Variants in PBX1 observed in about 807,000 individuals in gnomAD.
PBX1 encodes pre-B-cell leukemia transcription factor 1.
In PBX1, 6 loss-of-function variants were observed where a neutral mutation model predicts 53.4. The ratio of observed to expected loss-of-function variants is 0.11; its 90% confidence interval spans 0.06 to 0.22. The LOEUF (loss-of-function observed/expected upper bound fraction) is 0.22, where lower values mean the gene tolerates loss of function less well. Ranked by LOEUF, PBX1 falls within the 10% of genes least tolerant of loss-of-function variation. PBX1 has a pLI of 1.00. For missense variants in PBX1, 251 were observed against 551.4 expected (o/e 0.46, Z 5.46); for synonymous variants, 204 against 212.3 (o/e 0.96, Z 0.34).
At chr1:164,870,975 A>C (rs1672369687) in intron 2 of PBX1, among the ~76,000 whole-genome samples, 1 of 152,018 alleles carries the variant, frequency 6.6e-6, no homozygotes, top group South Asian at 2.1e-4. Context: ...TGTCAACGAG[A>C]TCAAGCTGAT....
intron 2 of PBX1, among the ~76,000 whole-genome samples, chr1:164,783,020 C>A (rs1427049948): frequency 4.6e-5 from 7 of 152,192 alleles, no homozygotes; most frequent in Non-Finnish European, 8.8e-5. Flanking sequence ...GACTTCCAGG[C>A]CAGCTCGTCT....
At chr1:164,590,661 G>A (rs1655311805) in intron 2 of PBX1, among the ~76,000 whole-genome samples, 1 of 152,112 alleles carries the variant, frequency 6.6e-6, no homozygotes, top group Non-Finnish European at 1.5e-5. Context: ...CTAGCCCTTG[G>A]AAGCTTGGAT....
intron 2 of PBX1, among the ~76,000 whole-genome samples, chr1:164,689,444 C>G (rs545485948): frequency 2.6e-4 from 40 of 152,050 alleles, no homozygotes; most frequent in African/African-American, 8.9e-4. Flanking sequence ...GAGCATTGCC[C>G]AGGCGTATTA....
intron 2 of PBX1, among the ~76,000 whole-genome samples, chr1:164,744,678 C>G (rs1475218141): frequency 1.3e-5 from 2 of 152,180 alleles, no homozygotes; most frequent in Non-Finnish European, 2.9e-5. Context: ...TTCCCATAGG[C>G]ACTGTCTACT....
chr1:164,631,819 T>A (rs945326260), intron 2 of PBX1, among the ~76,000 whole-genome samples: 2 of 152,228 alleles, frequency 1.3e-5, no homozygotes, highest in Non-Finnish European at 2.9e-5. Flanking sequence ...GGAACTGATT[T>A]GGGCCATATT....
chr1:164,632,603 G>A (rs1159394931), intron 2 of PBX1, among the ~76,000 whole-genome samples: 1 of 152,004 alleles, frequency 6.6e-6, no homozygotes, highest in Non-Finnish European at 1.5e-5. Context: ...AATGCCCACC[G>A]TGGATTCAAC....
intron 2 of PBX1, among the ~76,000 whole-genome samples, chr1:164,588,473 CTTTTTTTTTTTT>C (rs371768861): frequency 0.24 from 17,926 of 73,472 alleles, 2,312 homozygotes; most frequent in African/African-American, 0.43. Flanking sequence ...CCGGACTAAG[CTTTTTTTTTTTT>C]TTTTTTTTTT....
At position 164,692,011 on chromosome 1, in the gene PBX1, G is replaced by A. The variant is rs76361916; in HGVS notation, c.266-100483G>A. ...AAATGAATCTTGTGTATAGACATGG[G>A]TCTCATCCCCAAGACACTATTACGT... On this transcript the variant is annotated intron_variant, in intron 2 of 8. Transcript: ENST00000420696. Among the ~76,000 whole-genome samples the A allele has an allele frequency of 7.3e-3, 1,105 of 152,274 alleles. 40 individuals carry two copies. The South Asian group carries it at 0.09, about 12-fold the overall frequency.
chr1:164,640,130 G>A (rs1659029749), intron 2 of PBX1, among the ~76,000 whole-genome samples: 1 of 152,186 alleles, frequency 6.6e-6, no homozygotes, highest in Non-Finnish European at 1.5e-5. Flanking sequence ...ATCAGTGAAT[G>A]TTCCCCAAAC....
rs1214613887 is a variant in PBX1 at position 164,748,082 on chromosome 1, G to C, written c.266-44412G>C. Among the ~76,000 whole-genome samples the C allele has an allele frequency of 2.0e-5, 3 of 152,108 alleles. No homozygotes were observed. The East Asian group carries it at 5.8e-4, about 29-fold the overall frequency. Reference sequence around the variant, plus strand: ...GGGCACCATTCGTGTTTTTGCTTTTGAGTTTTTGTTTGTCAAGCCACAGCT... The same window carrying C: ...GGGCACCATTCGTGTTTTTGCTTTTCAGTTTTTGTTTGTCAAGCCACAGCT... On this transcript the variant is annotated intron_variant, in intron 2 of 8. Transcript: ENST00000420696.
intron 2 of PBX1, among the ~76,000 whole-genome samples, chr1:164,772,576 T>C (rs1667431816): frequency 6.6e-6 from 1 of 152,186 alleles, no homozygotes; most frequent in Non-Finnish European, 1.5e-5. Context: ...AAAATTGTAA[T>C]AGAAACCAGA....
intron 5 of PBX1, among the ~76,000 whole-genome samples, chr1:164,810,084 G>A (rs920191689): frequency 6.6e-6 from 1 of 152,080 alleles, no homozygotes; most frequent in Non-Finnish European, 1.5e-5. Flanking sequence ...AATACCTAAT[G>A]GAACTTCTCC....
At chr1:164,649,676 T>A (rs10800040) in intron 2 of PBX1, among the ~76,000 whole-genome samples, 1 of 152,130 alleles carries the variant, frequency 6.6e-6, no homozygotes, top group Non-Finnish European at 1.5e-5. Context: ...TGCAGCATAC[T>A]GTAGCAAACT....
At chr1:164,845,903 G>A (rs1319314589) in intron 8 of PBX1, among the ~76,000 whole-genome samples, 1 of 152,124 alleles carries the variant, frequency 6.6e-6, no homozygotes, top group Non-Finnish European at 1.5e-5. Context: ...CTCCCTCTAT[G>A]AAGTATTTCC....
intron 5 of PBX1, among the ~76,000 whole-genome samples, chr1:164,809,208 G>A (rs1432601214): frequency 1.3e-5 from 2 of 152,084 alleles, no homozygotes; most frequent in African/African-American, 4.8e-5. Context: ...TCCTGTTGAA[G>A]GTAAAAGGAA....
At chr1:164,726,530 A>G (rs1664709169) in intron 2 of PBX1, among the ~76,000 whole-genome samples, 1 of 152,230 alleles carries the variant, frequency 6.6e-6, no homozygotes, top group Non-Finnish European at 1.5e-5. Flanking sequence ...TGGGATATAA[A>G]TAGATTCATG....
chr1:164,747,852 AT>A (rs1223534392), intron 2 of PBX1, among the ~76,000 whole-genome samples: 2 of 152,086 alleles, frequency 1.3e-5, no homozygotes, highest in African/African-American at 4.8e-5. Context: ...CAGCTTTAGA[AT>A]TTTGTTTAGA....
intron 2 of PBX1, chr1:164,605,108 C>A (rs1186097948): frequency 6.6e-6 from 1 of 151,926 alleles, no homozygotes; most frequent in Admixed American, 6.6e-5. Context: ...GATGGGGATA[C>A]TGAGAGAGTA....
chr1:164,867,700 C>T (rs114765071), intron 2 of PBX1, among the ~76,000 whole-genome samples: 23 of 152,308 alleles, frequency 1.5e-4, no homozygotes, highest in Middle Eastern at 3.4e-3. Context: ...AAGGGAAGCG[C>T]GGGAGGAGTC....
Sources: allele counts gnomAD v4.1 joint callset (sites outside exome capture counted in the v4.1 genomes callset), GRCh38; gene constraint gnomAD v4.1.1; transcripts MANE v1.5; gene names NCBI Gene and HGNC (gene_info 2026-07-23, HGNC 2026-07-21).